MGAM: variants seen among roughly 807,000 people sequenced by gnomAD.
The protein encoded by MGAM is maltase-glucoamylase.
In MGAM, 253 loss-of-function variants were observed where a neutral mutation model predicts 358.8. That is an observed-to-expected ratio of 0.71 (90% CI 0.64 to 0.78). The LOEUF (loss-of-function observed/expected upper bound fraction) is 0.78. Ranked by LOEUF, MGAM falls within the 30% of genes least tolerant of loss-of-function variation. MGAM has a pLI of 0.00. For synonymous variants in MGAM, 1,105 were observed against 1,227.1 expected (o/e 0.90, Z 2.08); for missense variants, 3,080 against 3,432.6 (o/e 0.90, Z 2.57).
intron 14 of MGAM, among the ~76,000 whole-genome samples, chr7:142,033,665 A>G (rs1554464701): frequency 6.6e-6 from 1 of 152,190 alleles, no homozygotes; most frequent in African/African-American, 2.4e-5. Context: ...ATCTTTTAGT[A>G]ATAGAGAAGC....
At chr7:142,033,676 A>G (rs1296986219) in intron 14 of MGAM, among the ~76,000 whole-genome samples, 5 of 152,182 alleles carry the variant, frequency 3.3e-5, no homozygotes, top group African/African-American at 4.8e-5. Context: ...ATAGAGAAGC[A>G]TGGTAGTCAG....
chr7:142,065,041 A>G (rs866223367), intron 37 of MGAM, among the ~76,000 whole-genome samples: 8 of 152,200 alleles, frequency 5.3e-5, no homozygotes, highest in Middle Eastern at 3.2e-3. Flanking sequence ...CTTCTCAAAT[A>G]TAGAAAACTA....
At chr7:142,016,827 G>A (rs914341663) in intron 3 of MGAM, among the ~76,000 whole-genome samples, 4 of 152,004 alleles carry the variant, frequency 2.6e-5, no homozygotes, top group Admixed American at 6.6e-5. Flanking sequence ...TCCTGACCTC[G>A]AGTGATCTGC....
chr7:142,052,127 A>G (rs1811035991), intron 24 of MGAM, among the ~76,000 whole-genome samples, 167 bp from the exon 25 acceptor site: 2 of 152,056 alleles, frequency 1.3e-5, no homozygotes, highest in South Asian at 4.1e-4. Flanking sequence ...TGCTAAATAG[A>G]TTCTCCCAAT....
chr7:142,074,669 GC>G (rs1242710326), intron 45 of MGAM, among the ~76,000 whole-genome samples: 3 of 146,232 alleles, frequency 2.1e-5, no homozygotes, highest in African/African-American at 7.3e-5. Context: ...TGAAGCATAT[GC>G]CTTGGAAGCC....
At position 142,076,172 on chromosome 7, in the gene MGAM, G is replaced by A. The variant is rs781028174; in HGVS notation, c.5276-31G>A. On this transcript the variant is annotated intron_variant, in intron 45 of 70. Coordinates refer to ENST00000475668, the MANE Select transcript of MGAM (RefSeq NM_001365693.1). ...TCTGTTCTTCTGTGGTGGGCAAGCCGGAGTCTGACTTGTCTTTCTGTCACT... is the reference window on the plus strand; with the variant it reads ...TCTGTTCTTCTGTGGTGGGCAAGCCAGAGTCTGACTTGTCTTTCTGTCACT... 2.3e-5 allele frequency: 34 copies of A among 1,504,850 alleles called. 3 individuals carry two copies. The highest frequency in any genetic ancestry group is 6.7e-5 in the African/African-American group (5 of 74,420). 93.2% of individuals were successfully genotyped at this position (1,504,850 alleles called of 1,614,324 possible).
At chr7:142,002,559 A>T (rs1804819540) in intron 1 of MGAM, among the ~76,000 whole-genome samples, 1 of 152,128 alleles carries the variant, frequency 6.6e-6, no homozygotes, top group African/African-American at 2.4e-5. Context: ...ACCTTGGCGT[A>T]GGGAGACCAT....
At chr7:142,097,750 C>A (rs1158173728) in intron 66 of MGAM, 101 bp downstream of exon 66, 2 of 1,303,076 alleles carry the variant, frequency 1.5e-6, no homozygotes, top group Non-Finnish European at 2.2e-6. Context: ...CTGTAACCCA[C>A]CTGCTGTGTG....
intron 22 of MGAM, among the ~76,000 whole-genome samples, chr7:142,048,737 G>C (rs976522407): frequency 2.8e-4 from 42 of 152,080 alleles, no homozygotes; most frequent in South Asian, 4.1e-4. Context: ...GAAAGAGAAG[G>C]AAAAACAATG....
chr7:142,053,641 G>A (rs1001856440), intron 26 of MGAM, among the ~76,000 whole-genome samples: 5 of 152,262 alleles, frequency 3.3e-5, no homozygotes, highest in South Asian at 2.1e-4. Flanking sequence ...AGCTTCTCAA[G>A]GACAGGAATG....
rs111673562 is a variant in MGAM at position 142,091,803 on chromosome 7, G to A, written c.6811-110G>A. ...ACATTATTTAGGCCCTGTTCAGGCCGTCTGTCACCATGCAGTTGAAGTATT... is the reference window on the plus strand; with the variant it reads ...ACATTATTTAGGCCCTGTTCAGGCCATCTGTCACCATGCAGTTGAAGTATT... On this transcript the variant is annotated intron_variant, in intron 57 of 70. Transcript: ENST00000475668. 425 of 1,175,766 alleles carry A rather than the reference G, an allele frequency of 3.6e-4. 30 individuals are homozygous for A. Among genetic ancestry groups the A allele is most frequent in the South Asian group, 3.4e-3 (210 of 61,516 alleles). The allele number at this position is 1,175,766 out of a possible 1,614,324, so 72.8% of individuals were successfully genotyped here.
At chr7:142,080,979 G>A in intron 50 of MGAM, 34 bp downstream of exon 50, 1 of 1,512,384 alleles carries the variant, frequency 6.6e-7, no homozygotes, top group South Asian at 1.2e-5. Context: ...AGAGTTGATG[G>A]CTACCTGCGC....
chr7:142,037,692 A>T (rs1341751301), intron 18 of MGAM, among the ~76,000 whole-genome samples: 2 of 152,198 alleles, frequency 1.3e-5, no homozygotes, highest in African/African-American at 4.8e-5. Context: ...ATTTTGTATG[A>T]TCAGATCCAG....
rs1359714513 is a variant in MGAM at position 142,106,542 on chromosome 7, A to C, written c.*651A>C. ...TCACTTGAAGAAGAGGGTCTTGAGA[A>C]ATCCTTAGCATAAAGGGCTACTGGT... On this transcript the variant is annotated 3_prime_UTR_variant, in exon 71 of 71. Coordinates refer to ENST00000475668, the MANE Select transcript of MGAM (RefSeq NM_001365693.1). The C allele has an allele frequency of 6.6e-6, 1 of 152,204 alleles. No homozygotes were observed. Among genetic ancestry groups the C allele is most frequent in the Admixed American group, 6.5e-5 (1 of 15,270 alleles). The allele number at this position is 152,204 out of a possible 1,614,324, so 9.4% of individuals were successfully genotyped here. A position where few individuals can be genotyped will look rare whatever the true frequency, so the allele number is the denominator to read the frequency against.
intron 32 of MGAM, 103 bp from the exon 33 acceptor site, chr7:142,059,753 C>T: frequency 6.4e-7 from 1 of 1,561,914 alleles, no homozygotes; most frequent in Non-Finnish European, 8.7e-7. Flanking sequence ...CTCTACTGTG[C>T]AGGTAGAAGC....
At chr7:141,999,672 A>G (rs1804579081) in intron 1 of MGAM, among the ~76,000 whole-genome samples, 1 of 152,214 alleles carries the variant, frequency 6.6e-6, no homozygotes, top group Admixed American at 6.5e-5. Flanking sequence ...ATAGTTATAT[A>G]TTTGTCCTAT....
At position 142,100,811 on chromosome 7, in the gene MGAM, A is replaced by G. The variant is rs1816377580; in HGVS notation, c.7884A>G (p.Lys2628=). ...TGCCTGCTCACTGCAGCCGCCAGAA[A>G]TTCATGGGCTTCAAAATTGCCTTGG... The part of the protein sequence containing the change: ...PALNTHLSRQ[K]FMGFKIALDD... Residue 2628 remains lysine (K), a synonymous_variant, in exon 68 of 71, where the codon AAA becomes AAG. Transcript: ENST00000475668. The G allele has an allele frequency of 1.9e-6, 3 of 1,611,674 alleles. No individual in the cohort carries two copies. The African/African-American group carries it at 4.0e-5, about 22-fold the overall frequency.
At chr7:142,010,633 T>G (rs1179501238) in intron 3 of MGAM, among the ~76,000 whole-genome samples, 3 of 152,114 alleles carry the variant, frequency 2.0e-5, no homozygotes, top group African/African-American at 7.2e-5. Context: ...TCCTATCCAT[T>G]CCGTTACATG....
intron 14 of MGAM, 64 bp from the exon 15 acceptor site, chr7:142,034,198 G>T (rs1051077145): frequency 1.0e-5 from 13 of 1,242,696 alleles, no homozygotes; most frequent in Non-Finnish European, 1.5e-5. Flanking sequence ...TTCGGATTGT[G>T]ATAGTCAAGG....
Sources: gnomAD v4.1 joint callset for allele counts (sites outside exome capture counted in the v4.1 genomes callset) on GRCh38, gnomAD v4.1.1 for gene constraint, MANE v1.5 for transcripts, NCBI Gene and HGNC (gene_info 2026-07-23, HGNC 2026-07-21) for gene names.